JPH1: variants seen among roughly 807,000 people sequenced by gnomAD.
The protein encoded by JPH1 is junctophilin-1.
A neutral mutation model predicts 53.6 loss-of-function variants in JPH1; 12 were observed. The observed-to-expected ratio is 0.22, with a 90% CI of 0.14 to 0.36. The LOEUF is 0.36. JPH1 is among the 10% of genes least tolerant of loss of function. JPH1 has a pLI of 1.00. For synonymous variants in JPH1, 375 were observed against 363.8 expected (o/e 1.03, Z -0.35); for missense variants, 808 against 905.5 (o/e 0.89, Z 1.38).
intron 4 of JPH1, among the ~76,000 whole-genome samples, chr8:74,243,270 A>C (rs574763434): frequency 6.6e-6 from 1 of 152,344 alleles, no homozygotes; most frequent in East Asian, 1.9e-4. Flanking sequence ...TTAAGGTTTA[A>C]AATCTTTAAA....
intron 2 of JPH1, among the ~76,000 whole-genome samples, chr8:74,308,881 C>T (rs6988741): frequency 0.062 from 9,501 of 152,216 alleles, 1,006 homozygotes; most frequent in African/African-American, 0.22. Context: ...GGTTGAACCA[C>T]TCTGAGTATG....
rs185069308 is a variant in JPH1, at chr8:74,306,942, G to A, written c.1139+7919C>T. Among the ~76,000 whole-genome samples the A allele has an allele frequency of 1.6e-4, 25 of 152,182 alleles. No homozygotes were observed. In the East Asian group the frequency reaches 3.7e-3, roughly 22 times the overall value. On this transcript the variant is annotated intron_variant, in intron 2 of 5. Coordinates refer to ENST00000342232, the MANE Select transcript of JPH1 (RefSeq NM_020647.4). The stretch of plus-strand genomic sequence containing the variant: ...AAAGGTAAGACCTTTATTATCCTAC[G>A]TTATCTTCAGAATAGTACCTGGGGC...
At chr8:74,314,633 G>T (rs1808086769) in intron 2 of JPH1, among the ~76,000 whole-genome samples, 1 of 152,210 alleles carries the variant, frequency 6.6e-6, no homozygotes, top group Admixed American at 6.5e-5. Context: ...TTTAGAACAG[G>T]AAGGGGAGCT....
At chr8:74,283,077 T>C (rs1339923894) in intron 2 of JPH1, among the ~76,000 whole-genome samples, 1 of 152,124 alleles carries the variant, frequency 6.6e-6, no homozygotes, top group Non-Finnish European at 1.5e-5. Context: ...AGTAGGGTGT[T>C]AGGGGTTATT....
intron 2 of JPH1, among the ~76,000 whole-genome samples, chr8:74,287,079 G>A (rs917680378): frequency 6.6e-6 from 1 of 152,180 alleles, no homozygotes; most frequent in Admixed American, 6.6e-5. Context: ...ACTTGTGGTG[G>A]AGAAAACCCA....
At chr8:74,280,309 G>T (rs2131418313) in intron 2 of JPH1, among the ~76,000 whole-genome samples, 1 of 152,234 alleles carries the variant, frequency 6.6e-6, no homozygotes, top group African/African-American at 2.4e-5. Context: ...TAATGGACTG[G>T]GCAAAAGGTA....
chr8:74,252,878 C>A (rs1013865973), intron 3 of JPH1, among the ~76,000 whole-genome samples: 14 of 152,092 alleles, frequency 9.2e-5, no homozygotes, highest in African/African-American at 3.4e-4. Context: ...ACAGGAGCAC[C>A]CAGATTCATA....
chr8:74,303,876 C>A (rs777649515), intron 2 of JPH1, among the ~76,000 whole-genome samples: 13 of 152,154 alleles, frequency 8.5e-5, no homozygotes, highest in Non-Finnish European at 1.9e-4. Context: ...AATAGCCTTC[C>A]CCTATCCTTG....
intron 2 of JPH1, among the ~76,000 whole-genome samples, chr8:74,270,751 T>C (rs1359172401): frequency 1.3e-5 from 2 of 152,238 alleles, no homozygotes; most frequent in Admixed American, 6.5e-5. Flanking sequence ...TCATAGATTG[T>C]TAGTGGACTG....
At chr8:74,278,651 C>T (rs564775481) in intron 2 of JPH1, among the ~76,000 whole-genome samples, 5 of 152,210 alleles carry the variant, frequency 3.3e-5, no homozygotes, top group African/African-American at 1.2e-4. Flanking sequence ...GTGATTGACC[C>T]GGACTAATGC....
intron 3 of JPH1, among the ~76,000 whole-genome samples, chr8:74,254,189 T>C (rs1055005260): frequency 6.6e-6 from 1 of 152,074 alleles, no homozygotes; most frequent in African/African-American, 2.4e-5. Context: ...AAAAAGCTTA[T>C]CCACCATGAT....
intron 3 of JPH1, among the ~76,000 whole-genome samples, chr8:74,250,017 A>C (rs540376026): frequency 1.6e-4 from 25 of 152,362 alleles, no homozygotes; most frequent in African/African-American, 5.5e-4. Flanking sequence ...ATTCCAGGGC[A>C]GTGTTTTAAT....
At chr8:74,305,847 A>C (rs1432361091) in intron 2 of JPH1, among the ~76,000 whole-genome samples, 1 of 152,192 alleles carries the variant, frequency 6.6e-6, no homozygotes, top group Non-Finnish European at 1.5e-5. Flanking sequence ...AGTCTGGAGA[A>C]CTGTGTGACC....
rs546406015 is a variant in JPH1 at position 74,276,190 on chromosome 8, T to C, written c.1140-16687A>G. Among the ~76,000 whole-genome samples, 79 of 152,108 alleles carry C rather than the reference T, an allele frequency of 5.2e-4. No homozygotes were observed. In the South Asian group the frequency reaches 0.016, roughly 31 times the overall value. On this transcript the variant is annotated intron_variant, in intron 2 of 5. Coordinates refer to ENST00000342232, the MANE Select transcript of JPH1 (RefSeq NM_020647.4). ...AAATGGACACATAAAACCATAGGTG[T>C]TGGGAGCTGGAAAAAAGGGGCACAG...
At chr8:74,269,936 T>C (rs1806648960) in intron 2 of JPH1, among the ~76,000 whole-genome samples, 1 of 152,250 alleles carries the variant, frequency 6.6e-6, no homozygotes, top group African/African-American at 2.4e-5. Context: ...CTTTCTACTA[T>C]AGGAATTCAT....
In JPH1 at chr8:74,314,917, T is replaced by C. The variant is rs201455259; in HGVS notation, c.1083A>G (p.Glu361=). ...CCATGGCAGCTGCCCTTTGGGCGCCTTCAATTGCTCTGTCCACCTTCTCCC... is the reference window on the plus strand; with the variant it reads ...CCATGGCAGCTGCCCTTTGGGCGCCCTCAATTGCTCTGTCCACCTTCTCCC... The part of the protein sequence containing the change: ...KTREKVDRAI[E]GAQRAAAMAR... The change falls in exon 2 of 6, where the codon GAA becomes GAG. Residue 361 remains glutamate (E), a synonymous_variant. Coordinates refer to ENST00000342232, the MANE Select transcript of JPH1 (RefSeq NM_020647.4). 1.9e-6 allele frequency: 3 copies of C among 1,614,236 alleles called. No homozygotes were observed. The East Asian group carries it at 6.7e-5, about 36-fold the overall frequency.
chr8:74,291,505 A>G (rs1158247836), intron 2 of JPH1, among the ~76,000 whole-genome samples: 1 of 152,240 alleles, frequency 6.6e-6, no homozygotes, highest in Non-Finnish European at 1.5e-5. Context: ...GTGGAGACAT[A>G]GGAACACTTT....
Position 74,307,584 on chromosome 8 carries a change from T to A in JPH1, c.1139+7277A>T, listed in dbSNP as rs144073482. On this transcript the variant is annotated intron_variant, in intron 2 of 5. Transcript: ENST00000342232. ...GCCCACATTTTAGGTGATTTTGTCC[T>A]AAAATTTCTTTAACTATTTAACAAT... Among the ~76,000 whole-genome samples the A allele has an allele frequency of 5.0e-4, 76 of 152,356 alleles. No individual in the cohort carries two copies. The South Asian group carries it at 0.015, about 29-fold the overall frequency.
chr8:74,237,786 C>T (rs2131371496), intron 4 of JPH1, among the ~76,000 whole-genome samples: 1 of 152,316 alleles, frequency 6.6e-6, no homozygotes, highest in Non-Finnish European at 1.5e-5. Context: ...CTACCTCTTG[C>T]TTTTTCCCTG....
Sources: allele counts gnomAD v4.1 joint callset (sites outside exome capture counted in the v4.1 genomes callset), GRCh38; gene constraint gnomAD v4.1.1; transcripts MANE v1.5; gene names NCBI Gene and HGNC (gene_info 2026-07-23, HGNC 2026-07-21).